Variants in LRMDA observed in about 807,000 individuals in gnomAD.
The protein encoded by LRMDA is leucine rich melanocyte differentiation associated, also known as leucine-rich melanocyte differentiation-associated protein.
LRMDA carries 18 observed loss-of-function variants against 29.8 expected under a neutral mutation model. The ratio of observed to expected loss-of-function variants is 0.60; its 90% CI spans 0.42 to 0.90. The LOEUF (loss-of-function observed/expected upper bound fraction) is 0.90, where lower values mean the gene tolerates loss of function less well. Among genes scored for constraint, LRMDA ranks in the 40% least tolerant of loss-of-function variants. The probability of loss-of-function intolerance (pLI) is 0.00; values close to 1 mark genes in which losing one functional copy is unlikely to be tolerated. For missense variants in LRMDA, 273 were observed against 273.9 expected, an observed-to-expected ratio of 1.00 and a Z score of 0.02; for synonymous variants, 125 against 109.4, an observed-to-expected ratio of 1.14 and a Z score of -0.89.
chr10:76,336,646 A>C (rs564393994), intron 6 of LRMDA, among the ~76,000 whole-genome samples: 2 of 152,238 alleles, frequency 1.3e-5, no homozygotes, highest in South Asian at 4.2e-4. Context: ...CCCAATTTAA[A>C]TTGCTGCTTC....
intron 2 of LRMDA, among the ~76,000 whole-genome samples, chr10:75,578,185 T>A (rs180740195): frequency 2.4e-5 from 2 of 83,308 alleles, no homozygotes; most frequent in South Asian, 4.3e-4. Context: ...AATAAAGGGA[T>A]GGAGGTATAT....
At chr10:76,108,256 A>T (rs1032225718) in intron 5 of LRMDA, among the ~76,000 whole-genome samples, 1 of 152,192 alleles carries the variant, frequency 6.6e-6, no homozygotes, top group East Asian at 1.9e-4. Flanking sequence ...ATCTGTCATC[A>T]TAGAGTCACT....
chr10:76,371,529 A>G (rs897250508), intron 6 of LRMDA, among the ~76,000 whole-genome samples: 1 of 151,904 alleles, frequency 6.6e-6, no homozygotes, highest in African/African-American at 2.4e-5. Context: ...GGTAGTAATA[A>G]CTCCTCTCAT....
chr10:75,434,876 G>A (rs1166676086), intron 1 of LRMDA, among the ~76,000 whole-genome samples: 3 of 152,244 alleles, frequency 2.0e-5, no homozygotes, highest in African/African-American at 7.2e-5. Context: ...GGGAGCCAGA[G>A]AGTCCCAACG....
chr10:76,386,767 G>T (rs1841664784), intron 6 of LRMDA, among the ~76,000 whole-genome samples: 1 of 151,800 alleles, frequency 6.6e-6, no homozygotes, highest in Non-Finnish European at 1.5e-5. Flanking sequence ...AGCATTATAA[G>T]CAAAATTAAG....
intron 2 of LRMDA, among the ~76,000 whole-genome samples, chr10:75,979,960 T>A (rs7902528): frequency 0.32 from 48,434 of 152,118 alleles, 9,413 homozygotes; most frequent in Non-Finnish European, 0.44. Context: ...TGTTTTTTTC[T>A]TCTGAATAAT....
chr10:76,379,966 T>A (rs2132469759), intron 6 of LRMDA, among the ~76,000 whole-genome samples: 1 of 152,320 alleles, frequency 6.6e-6, no homozygotes, highest in East Asian at 1.9e-4. Context: ...TTGTCATTGA[T>A]CCAAAGATCA....
chr10:76,233,705 AAAAC>A (rs769928777), intron 5 of LRMDA, among the ~76,000 whole-genome samples: 8 of 152,290 alleles, frequency 5.3e-5, no homozygotes, highest in African/African-American at 1.9e-4. Flanking sequence ...ATTCCATCTC[AAAAC>A]AAACAAACAA....
At chr10:75,505,740 C>T (rs1845162527) in intron 2 of LRMDA, among the ~76,000 whole-genome samples, 1 of 152,160 alleles carries the variant, frequency 6.6e-6, no homozygotes, top group South Asian at 2.1e-4. Context: ...TCCCTGATCC[C>T]TCCACCCCTA....
At chr10:75,628,128 G>A (rs1296804396) in intron 2 of LRMDA, among the ~76,000 whole-genome samples, 3 of 152,186 alleles carry the variant, frequency 2.0e-5, no homozygotes, top group African/African-American at 7.2e-5. Context: ...ACTACACTGA[G>A]TTGACTGCTG....
chr10:75,849,885 G>T (rs1844703205), intron 2 of LRMDA, among the ~76,000 whole-genome samples: 1 of 152,200 alleles, frequency 6.6e-6, no homozygotes, highest in African/African-American at 2.4e-5. Flanking sequence ...GTATTAGTTA[G>T]TTGTCTGCTG....
At chr10:75,522,372 T>A (rs987477256) in intron 2 of LRMDA, among the ~76,000 whole-genome samples, 2 of 152,212 alleles carry the variant, frequency 1.3e-5, no homozygotes, top group Non-Finnish European at 2.9e-5. Context: ...CAGAAGTCTC[T>A]GTGCAGAGAA....
chr10:76,447,190 A>G (rs1444794967), intron 6 of LRMDA, among the ~76,000 whole-genome samples: 1 of 152,030 alleles, frequency 6.6e-6, no homozygotes, highest in African/African-American at 2.4e-5. Flanking sequence ...TGGAGATTTC[A>G]ATTATATTAT....
intron 2 of LRMDA, among the ~76,000 whole-genome samples, chr10:75,681,082 C>G (rs750410457): frequency 1.4e-4 from 21 of 152,062 alleles, no homozygotes; most frequent in Non-Finnish European, 2.2e-4. Context: ...GTATATTAAC[C>G]TTTTGTTGAT....
At chr10:76,258,362 T>A (rs1839893337) in intron 5 of LRMDA, among the ~76,000 whole-genome samples, 2 of 152,210 alleles carry the variant, frequency 1.3e-5, no homozygotes, top group Non-Finnish European at 2.9e-5. Context: ...ATTTATGGGA[T>A]ACCTAGTGAT....
chr10:76,120,189 A>G (rs1259619177), intron 5 of LRMDA, among the ~76,000 whole-genome samples: 1 of 133,170 alleles, frequency 7.5e-6, no homozygotes, highest in Admixed American at 7.5e-5. Flanking sequence ...GTATGTGTTG[A>G]TTTTTTTTTT....
intron 2 of LRMDA, among the ~76,000 whole-genome samples, chr10:75,759,038 C>G (rs1202365079): frequency 6.6e-6 from 1 of 151,808 alleles, no homozygotes; most frequent in Non-Finnish European, 1.5e-5. Context: ...ATATCCACAT[C>G]TATCTGTTCT....
At chr10:76,193,087 T>C (rs1589370740) in intron 5 of LRMDA, among the ~76,000 whole-genome samples, 1 of 152,138 alleles carries the variant, frequency 6.6e-6, no homozygotes, top group Admixed American at 6.5e-5. Flanking sequence ...TAAGGCTAGG[T>C]TGCATAAATA....
chr10:75,518,299 C>T (rs1354340623), intron 2 of LRMDA, among the ~76,000 whole-genome samples: 1 of 152,134 alleles, frequency 6.6e-6, no homozygotes, highest in African/African-American at 2.4e-5. Flanking sequence ...CTTTGTACCT[C>T]TGGTAGAATT....
Sources: gnomAD v4.1 joint callset for allele counts (sites outside exome capture counted in the v4.1 genomes callset) on GRCh38, gnomAD v4.1.1 for gene constraint, MANE v1.5 for transcripts, NCBI Gene and HGNC (gene_info 2026-07-23, HGNC 2026-07-21) for gene names.